Variants in ZNF385B observed in about 807,000 individuals in gnomAD.
ZNF385B encodes zinc finger protein 533.
Under a neutral mutation model 39.2 loss-of-function variants are expected in ZNF385B, and 23 were observed. The observed-to-expected ratio is 0.59, with a 90% CI of 0.42 to 0.83. The LOEUF is 0.83. Among genes scored for constraint, ZNF385B ranks in the 40% least tolerant of loss-of-function variants. ZNF385B has a pLI of 0.00. For synonymous variants in ZNF385B, 205 were observed against 222.6 expected, an observed-to-expected ratio of 0.92 and a Z score of 0.70; for missense variants, 552 against 598.9, an observed-to-expected ratio of 0.92 and a Z score of 0.82.
At chr2:179,756,339 C>T (rs565198687) in intron 3 of ZNF385B, among the ~76,000 whole-genome samples, 4 of 152,252 alleles carry the variant, frequency 2.6e-5, no homozygotes, top group South Asian at 2.1e-4. Flanking sequence ...GAGTTTCTGC[C>T]AAGAGATCCG....
chr2:179,443,322 A>G lies in ZNF385B; in HGVS notation c.1389T>C (p.Pro463=), dbSNP rs777616979. Residue 463 remains proline (P), a synonymous_variant, in exon 10 of 10, where the codon CCT becomes CCC. Transcript: ENST00000410066. ...CATGCCCAGGCCTCAGAAGAGCTGG[A>G]GGAATGGCTGGAGCCTGGAAGAGCG... is the stretch of plus-strand genomic sequence containing the variant. ...SASLFQAPAI[P]PALLRPGHGP... is the part of the protein sequence containing the mutation. 1 of 1,612,948 alleles carries G rather than the reference A, an allele frequency of 6.2e-7. No individual in the cohort carries two copies. The highest frequency in any genetic ancestry group is 8.5e-7 in the Non-Finnish European group (1 of 1,179,918).
At chr2:179,637,844 G>A (rs937216434) in intron 3 of ZNF385B, among the ~76,000 whole-genome samples, 9 of 152,242 alleles carry the variant, frequency 5.9e-5, no homozygotes, top group African/African-American at 2.2e-4. Flanking sequence ...TTTTAAAGTT[G>A]GAGAGGTAAT....
At chr2:179,604,352 G>A (rs545401186) in intron 3 of ZNF385B, among the ~76,000 whole-genome samples, 1 of 151,820 alleles carries the variant, frequency 6.6e-6, no homozygotes, top group African/African-American at 2.4e-5. Context: ...TTCCTAAGAC[G>A]GGGCTAATGA....
chr2:179,841,386 G>T (rs1320811078), intron 1 of ZNF385B, among the ~76,000 whole-genome samples: 1 of 152,184 alleles, frequency 6.6e-6, no homozygotes, highest in Non-Finnish European at 1.5e-5. Flanking sequence ...TGGAGGAAAA[G>T]GAATCAGAAA....
chr2:179,628,583 C>A (rs1314057163), intron 3 of ZNF385B, among the ~76,000 whole-genome samples: 2 of 152,160 alleles, frequency 1.3e-5, no homozygotes, highest in African/African-American at 4.8e-5. Context: ...TGAGTAATTT[C>A]TGCTGTCTTT....
chr2:179,822,929 G>A (rs1707486771), intron 1 of ZNF385B, among the ~76,000 whole-genome samples: 1 of 152,110 alleles, frequency 6.6e-6, no homozygotes, highest in Non-Finnish European at 1.5e-5. Context: ...AGTTCTATTA[G>A]TTATTATATA....
intron 3 of ZNF385B, among the ~76,000 whole-genome samples, chr2:179,571,716 C>T (rs1221974707): frequency 6.6e-6 from 1 of 152,154 alleles, no homozygotes; most frequent in Non-Finnish European, 1.5e-5. Flanking sequence ...TTAGACAGTT[C>T]TTGCTAATGC....
At chr2:179,453,300 G>C (rs186824362) in intron 6 of ZNF385B, among the ~76,000 whole-genome samples, 1 of 152,234 alleles carries the variant, frequency 6.6e-6, no homozygotes, top group East Asian at 1.9e-4. Context: ...AAAGCAACTG[G>C]TATTTAGTAT....
chr2:179,675,919 C>G (rs1468289433), intron 3 of ZNF385B, among the ~76,000 whole-genome samples: 1 of 151,626 alleles, frequency 6.6e-6, no homozygotes, highest in African/African-American at 2.4e-5. Context: ...TCCCAAGTAG[C>G]TGGGGTTACA....
At position 179,860,997 on chromosome 2, in the gene ZNF385B, G is replaced by C. The variant is rs1287624207; in HGVS notation, c.-155+104C>G. On this transcript the variant is annotated intron_variant, in intron 1 of 9. Coordinates refer to ENST00000410066, the MANE Select transcript of ZNF385B (RefSeq NM_152520.6). Reference sequence around the variant, plus strand: ...GGGCTCCTGGCCATTCCCTCGGGCGGCGCGCCCAGGTGCAGGCTCGCTCTG... The same window carrying C: ...GGGCTCCTGGCCATTCCCTCGGGCGCCGCGCCCAGGTGCAGGCTCGCTCTG... The C allele has an allele frequency of 1.8e-5, 3 of 167,690 alleles. No individual in the cohort carries two copies. In the East Asian group the frequency reaches 5.8e-4, roughly 33 times the overall value. The allele number at this position is 167,690 out of a possible 1,614,324, so 10.4% of individuals were successfully genotyped here.
intron 4 of ZNF385B, among the ~76,000 whole-genome samples, chr2:179,529,497 C>T (rs957137478): frequency 1.3e-5 from 2 of 152,004 alleles, no homozygotes; most frequent in Admixed American, 6.6e-5. Flanking sequence ...TAACATCTTT[C>T]AAAGATCATG....
intron 4 of ZNF385B, among the ~76,000 whole-genome samples, chr2:179,522,201 A>C (rs2058554154): frequency 6.6e-6 from 1 of 152,210 alleles, no homozygotes; most frequent in Non-Finnish European, 1.5e-5. Context: ...TCCAAATGTG[A>C]CAGTAATGAA....
intron 3 of ZNF385B, among the ~76,000 whole-genome samples, chr2:179,600,008 A>T (rs537134628): frequency 2.6e-5 from 4 of 152,186 alleles, no homozygotes; most frequent in African/African-American, 7.2e-5. Flanking sequence ...TGCCATTATG[A>T]CTATGTGGAA....
At chr2:179,591,914 A>T (rs111643986) in intron 3 of ZNF385B, among the ~76,000 whole-genome samples, 5 of 152,154 alleles carry the variant, frequency 3.3e-5, no homozygotes, top group African/African-American at 1.2e-4. Flanking sequence ...TTCAGGTAGC[A>T]GCTCATTTTC....
At chr2:179,829,988 C>T (rs1349521637) in intron 1 of ZNF385B, among the ~76,000 whole-genome samples, 1 of 152,182 alleles carries the variant, frequency 6.6e-6, no homozygotes, top group East Asian at 1.9e-4. Flanking sequence ...TGATAAAGAA[C>T]TTGTATCCAA....
At chr2:179,660,710 T>C (rs538557196) in intron 3 of ZNF385B, among the ~76,000 whole-genome samples, 3 of 152,302 alleles carry the variant, frequency 2.0e-5, no homozygotes, top group South Asian at 2.1e-4. Flanking sequence ...ATTTCTGAAA[T>C]AGGCTTCTCC....
At chr2:179,700,929 T>A (rs759652038) in intron 3 of ZNF385B, among the ~76,000 whole-genome samples, 21 of 152,020 alleles carry the variant, frequency 1.4e-4, no homozygotes, top group Admixed American at 2.6e-4. Context: ...CAAGAGAATC[T>A]CTTGACCGGG....
rs143593363 is a variant in ZNF385B, at chr2:179,580,515, G to C, written c.299-35546C>G. 5.1e-4 allele frequency among the ~76,000 whole-genome samples: 78 copies of C among 152,272 alleles called. 1 individual carries two copies. The East Asian group carries it at 0.013, about 26-fold the overall frequency. The stretch of plus-strand genomic sequence containing the variant: ...TAAAGTCCTAACCACCAACGTGACT[G>C]TATTTGTAGACAGGCCAGGAGGCCA... On this transcript the variant is annotated intron_variant, in intron 3 of 9. Transcript: ENST00000410066.
intron 5 of ZNF385B, among the ~76,000 whole-genome samples, chr2:179,493,493 G>GTGCGTACATATATGCGTATACATA (rs2055511125): frequency 1.3e-5 from 2 of 149,716 alleles, no homozygotes; most frequent in African/African-American, 4.9e-5. Context: ...ATGTATAAAC[G>GTGCGTACATATATGCGTATACATA]TGTGTGTACA....
Sources: gnomAD v4.1 joint callset for allele counts (sites outside exome capture counted in the v4.1 genomes callset) on GRCh38, gnomAD v4.1.1 for gene constraint, MANE v1.5 for transcripts, NCBI Gene and HGNC (gene_info 2026-07-23, HGNC 2026-07-21) for gene names.